The following NSD1 variants were observed in gnomAD, a reference collection of about 807,000 sequenced individuals.
The protein encoded by NSD1 is nuclear receptor binding SET domain protein 1.
NSD1 carries 26 observed loss-of-function variants against 242.7 expected under a neutral mutation model. The ratio of observed to expected loss-of-function variants is 0.11; its 90% CI spans 0.08 to 0.15. NSD1 has a LOEUF of 0.15. Ranked by LOEUF, NSD1 falls within the 10% of genes least tolerant of loss-of-function variation. NSD1 has a pLI of 1.00. For missense variants in NSD1, 2,495 were observed against 3,272.8 expected (o/e 0.76, Z 5.80); for synonymous variants, 1,106 against 1,178.1 (o/e 0.94, Z 1.25).
At chr5:177,208,112 T>G (rs1020811662) in intron 4 of NSD1, among the ~76,000 whole-genome samples, 4 of 152,134 alleles carry the variant, frequency 2.6e-5, no homozygotes, top group Non-Finnish European at 5.9e-5. Context: ...TCACAAATAT[T>G]AAACTATTTG....
At chr5:177,206,162 G>T (rs540099220) in intron 4 of NSD1, among the ~76,000 whole-genome samples, 1 of 152,198 alleles carries the variant, frequency 6.6e-6, no homozygotes, top group East Asian at 1.9e-4. Flanking sequence ...ACCACACCTG[G>T]CTAATTTTTG....
chr5:177,269,879 T>C lies in NSD1; in HGVS notation c.5509+72T>C. 7.5e-7 allele frequency: 1 copy of C among 1,326,044 alleles called. No individual in the cohort carries two copies. Among genetic ancestry groups the C allele is most frequent in the Non-Finnish European group, 1.1e-6 (1 of 949,552 alleles). 82.1% of individuals were successfully genotyped at this position (1,326,044 alleles called of 1,614,324 possible). A position where few individuals can be genotyped will look rare whatever the true frequency, so the allele number is the denominator to read the frequency against. ...CCTGAGTGTCTGATCTGTTTTAGAA[T>C]TCACATATGCTCCATTTTGAAACTG... On this transcript the variant is annotated intron_variant, in intron 16 of 22. Coordinates refer to ENST00000439151, the MANE Select transcript of NSD1 (RefSeq NM_022455.5). This position sits in a 1 kb window ranked among gnomAD's most constrained non-coding sequence, Gnocchi z 5.1.
chr5:177,284,071 C>T, intron 20 of NSD1, 143 bp downstream of exon 20: 1 of 993,866 alleles, frequency 1.0e-6, no homozygotes, highest in East Asian at 2.5e-5. Flanking sequence ...TTTTGTGCAA[C>T]CATCACCACC....
chr5:177,145,691 C>T (rs1411397270), intron 2 of NSD1, among the ~76,000 whole-genome samples: 1 of 151,870 alleles, frequency 6.6e-6, no homozygotes, highest in Non-Finnish European at 1.5e-5. Flanking sequence ...GGTGGATCAC[C>T]TGAGGTTGGG....
rs372407111 is a variant in NSD1, at chr5:177,211,226, G to C, written c.2827G>C (p.Asp943His). The C allele has an allele frequency of 6.2e-7, 1 of 1,613,880 alleles. No individual in the cohort carries two copies. Among genetic ancestry groups the C allele is most frequent in the African/African-American group, 1.3e-5 (1 of 74,920 alleles). Residue 943 changes from aspartate to histidine, a missense_variant, in exon 5 of 23, where the codon GAC (aspartate) becomes CAC (histidine). Around this residue, in one of 19 missense-constraint regions of NSD1, gnomAD observed 121 missense variants for 167.2 expected, o/e 0.72. Coordinates refer to ENST00000439151, the MANE Select transcript of NSD1 (RefSeq NM_022455.5). ...CTCTTACCGGAGTCCTGGTCGTGGG[G>C]ACTGTTCTACTAATAGTCCTGTAGG... ...LVSYRSPGRG[D>H]CSTNSPVGVS...
chr5:177,186,882 A>G (rs962694131), intron 2 of NSD1, among the ~76,000 whole-genome samples: 3 of 152,030 alleles, frequency 2.0e-5, no homozygotes, highest in African/African-American at 7.2e-5. Context: ...TCAACGCGCC[A>G]CTGCACCCCA....
Position 177,209,839 on chromosome 5 carries a change from T to C in NSD1, c.1440T>C (p.Ala480=), listed in dbSNP as rs1186688709. The part of the protein sequence containing the change: ...LLLNGCLKSL[A]FDSEHSADEK... ...TTAATGGCTGTTTGAAATCACTGGC[T>C]TTTGATTCTGAACATTCTGCAGATG... The change falls in exon 5 of 23, where the codon GCT becomes GCC. Residue 480 remains alanine, a synonymous_variant. Transcript: ENST00000439151. 1.2e-6 allele frequency: 2 copies of C among 1,614,150 alleles called. No homozygotes were observed. Among genetic ancestry groups the C allele is most frequent in the Non-Finnish European group, 8.5e-7 (1 of 1,180,018 alleles).
chr5:177,216,840 TA>T (rs1485235169), intron 5 of NSD1, among the ~76,000 whole-genome samples: 1 of 152,040 alleles, frequency 6.6e-6, no homozygotes, highest in Non-Finnish European at 1.5e-5. Flanking sequence ...TGTGGATCTC[TA>T]TTCTGTTCCA....
At chr5:177,289,963 A>G (rs560401750) in intron 21 of NSD1, among the ~76,000 whole-genome samples, 8 of 150,698 alleles carry the variant, frequency 5.3e-5, no homozygotes, top group East Asian at 2.0e-4. Flanking sequence ...GAGTAGCTGG[A>G]ACTACAGGCG....
chr5:177,210,579 A>G lies in NSD1; in HGVS notation c.2180A>G (p.Gln727Arg), dbSNP rs545241994. The part of the protein sequence containing the change: ...KSAEPGTETS[Q>R]VNLSDLKAST... ...GCAGAGCCTGGAACCGAGACGTCTC[A>G]GGTTAATCTCTCTGATCTGAAGGCA... The change falls in exon 5 of 23, where the codon CAG (glutamine) becomes CGG (arginine). Residue 727 changes from glutamine (Q) to arginine (R), a missense_variant. Gln to Arg is a conservative substitution (Grantham distance 43, BLOSUM62 1). Transcript: ENST00000439151. The G allele has an allele frequency of 6.2e-7, 1 of 1,614,148 alleles. No homozygotes were observed. The highest frequency in any genetic ancestry group is 2.2e-5 in the East Asian group (1 of 44,888).
At position 177,248,208 on chromosome 5, in the gene NSD1, A is replaced by C. The variant is rs1209254930; in HGVS notation, c.4525A>C (p.Thr1509Pro). 1 of 1,614,202 alleles carries C rather than the reference A, an allele frequency of 6.2e-7. No individual in the cohort carries two copies. Among genetic ancestry groups the C allele is most frequent in the East Asian group, 2.2e-5 (1 of 44,888 alleles). ...AGAACTAATGCCTCACAGGACGGCC[A>C]CAAGCCCCAAGGAGACTGTTGAGGA... ...EGELMPHRTA[T>P]SPKETVEEGV... Residue 1509 changes from threonine to proline, a missense_variant, in exon 11 of 23, where the codon ACA becomes CCA. Around this residue, in one of 19 missense-constraint regions of NSD1, gnomAD observed 97 missense variants for 97.7 expected, o/e 0.99. Transcript: ENST00000439151.
chr5:177,226,379 A>G (rs1052063551), intron 5 of NSD1, among the ~76,000 whole-genome samples: 1 of 152,208 alleles, frequency 6.6e-6, no homozygotes, highest in Non-Finnish European at 1.5e-5. Flanking sequence ...ATTAATGGAC[A>G]TTTAGTTTGT....
chr5:177,255,930 G>A (rs1419284482), intron 12 of NSD1, among the ~76,000 whole-genome samples: 1 of 152,090 alleles, frequency 6.6e-6, no homozygotes, highest in Non-Finnish European at 1.5e-5. Context: ...ACAATGTAAA[G>A]AATCTCCATG....
At chr5:177,279,115 G>A (rs1758632557) in intron 17 of NSD1, among the ~76,000 whole-genome samples, 4 of 152,182 alleles carry the variant, frequency 2.6e-5, no homozygotes, top group Admixed American at 2.6e-4. Context: ...AACTACTTGT[G>A]AGGCTGATGC....
chr5:177,156,806 G>T (rs1220956191), intron 2 of NSD1, among the ~76,000 whole-genome samples: 5 of 152,034 alleles, frequency 3.3e-5, no homozygotes. Flanking sequence ...GCTGGGGCGG[G>T]CAGATCTTCT....
At chr5:177,223,769 G>C (rs1173361881) in intron 5 of NSD1, among the ~76,000 whole-genome samples, 1 of 152,068 alleles carries the variant, frequency 6.6e-6, no homozygotes, top group Non-Finnish European at 1.5e-5. Flanking sequence ...GATCACCTGA[G>C]ATCAGGAGTT....
At chr5:177,185,839 A>G (rs796693592) in intron 2 of NSD1, among the ~76,000 whole-genome samples, 2 of 87,382 alleles carry the variant, frequency 2.3e-5, no homozygotes, top group Non-Finnish European at 4.0e-5. Context: ...AGTTTTATAT[A>G]TTTAAATATA....
chr5:177,137,726 T>A (rs547712804), intron 2 of NSD1, among the ~76,000 whole-genome samples: 1 of 152,078 alleles, frequency 6.6e-6, no homozygotes. Context: ...TCTAGAAGCA[T>A]ACAAATAGAA....
intron 20 of NSD1, 62 bp downstream of exon 20, chr5:177,283,990 A>G (rs1759100817): frequency 1.3e-6 from 2 of 1,566,994 alleles, no homozygotes; most frequent in South Asian, 2.2e-5. Flanking sequence ...GTTTTTTACA[A>G]ACAGCTTCCT....
Sources: gnomAD v4.1 joint callset for allele counts (sites outside exome capture counted in the v4.1 genomes callset) on GRCh38, gnomAD v4.1.1 for gene constraint, gnomAD v4.1.1 regional missense constraint, Gnocchi (gnomAD v3.1) non-coding constraint, MANE v1.5 for transcripts, NCBI Gene and HGNC (gene_info 2026-07-23, HGNC 2026-07-21) for gene names.